Variants in BRWD3 observed in about 807,000 individuals in gnomAD.
The protein encoded by BRWD3 is bromodomain and WD repeat domain containing 3, also known as bromodomain and WD repeat-containing protein 3.
BRWD3 carries 10 observed loss-of-function variants against 149.7 expected under a neutral mutation model. That is an observed-to-expected ratio of 0.07 (90% CI 0.04 to 0.11). BRWD3 has a LOEUF of 0.11. Among genes scored for constraint, BRWD3 ranks in the 10% least tolerant of loss-of-function variants. The pLI, the probability that BRWD3 is intolerant of heterozygous loss-of-function variation, is 1.00. For synonymous variants in BRWD3, 504 were observed against 456.7 expected (o/e 1.10, Z -1.32); for missense variants, 940 against 1,373.2 (o/e 0.68, Z 4.99).
At chrX:80,714,353 TCCCGAGTAG>T (rs1243529169) in intron 20 of BRWD3, among the ~76,000 whole-genome samples, 1 of 105,898 alleles carries the variant, frequency 9.4e-6, no homozygotes, top group Non-Finnish European at 1.9e-5. Context: ...TGCCTCAGCC[TCCCGAGTAG>T]CTGGGATTAC....
intron 6 of BRWD3, among the ~76,000 whole-genome samples, chrX:80,755,912 G>A (rs2073731137): frequency 9.0e-6 from 1 of 111,622 alleles, no homozygotes; most frequent in African/African-American, 3.3e-5. Flanking sequence ...GTATGGATAA[G>A]GACCATAAAG....
At chrX:80,718,575 A>G (rs1458368597) in intron 18 of BRWD3, among the ~76,000 whole-genome samples, 1 of 111,984 alleles carries the variant, frequency 8.9e-6, no homozygotes, top group Non-Finnish European at 1.9e-5. Flanking sequence ...CCCACTTGTC[A>G]TCTTGTTCTA....
At chrX:80,694,176 G>T (rs1454834754) in intron 27 of BRWD3, among the ~76,000 whole-genome samples, 1 of 112,112 alleles carries the variant, frequency 8.9e-6, no homozygotes, top group African/African-American at 3.2e-5. Flanking sequence ...GTTTCAAAGG[G>T]TGTAAGCCCC....
intron 4 of BRWD3, among the ~76,000 whole-genome samples, chrX:80,795,226 G>C: frequency 9.1e-6 from 1 of 110,392 alleles, no homozygotes; most frequent in East Asian, 2.9e-4. Flanking sequence ...ACAATAAAAA[G>C]AAAAACCAGA....
Position 80,696,815 on chromosome X carries a change from G to A in BRWD3, c.2992C>T (p.Pro998Ser), listed in dbSNP as rs2072706318. The A allele has an allele frequency of 8.3e-7, 1 of 1,205,949 alleles. No individual in the cohort carries two copies. The highest frequency in any genetic ancestry group is 1.1e-6 in the Non-Finnish European group (1 of 892,035). ...GCAAGCTTCAAGCAGCACAGTGTGG[G>A]TGGGCCAACCTCATATTTGATTCCT... ...IVGIKYEVGP[P>S]TLCCLKLAFL... is the part of the protein sequence containing the mutation. Residue 998 changes from proline to serine, a missense_variant, in exon 26 of 41, where the codon CCC becomes TCC. Transcript: ENST00000373275.
chrX:80,697,396 T>C (rs1299253883), intron 25 of BRWD3, among the ~76,000 whole-genome samples: 1 of 110,972 alleles, frequency 9.0e-6, no homozygotes, highest in African/African-American at 3.3e-5. Flanking sequence ...ATGGTGGGGT[T>C]TGAGTTTCTA....
intron 20 of BRWD3, among the ~76,000 whole-genome samples, chrX:80,711,228 A>C (rs1343192431): frequency 1.8e-5 from 2 of 111,797 alleles, no homozygotes; most frequent in Non-Finnish European, 3.8e-5. Flanking sequence ...CTAGATTAAC[A>C]TTGAGGGCTA....
chrX:80,694,263 C>T (rs2147697458), intron 27 of BRWD3, among the ~76,000 whole-genome samples: 1 of 111,818 alleles, frequency 8.9e-6, no homozygotes, highest in African/African-American at 3.2e-5. Context: ...GAACCTCTAC[C>T]TAGATTGCAG....
chrX:80,777,072 C>CA (rs565895344), intron 6 of BRWD3, among the ~76,000 whole-genome samples: 1,730 of 96,928 alleles, frequency 0.018, 30 homozygotes, highest in East Asian at 0.052. Flanking sequence ...TATGCTTAAA[C>CA]AAAAAAAAAA....
At chrX:80,733,823 A>C (rs2073368276) in intron 11 of BRWD3, among the ~76,000 whole-genome samples, 1 of 111,638 alleles carries the variant, frequency 9.0e-6, no homozygotes, top group Non-Finnish European at 1.9e-5. Flanking sequence ...AGTTGCATTA[A>C]ATTTTACACA....
Position 80,724,502 on chromosome X carries a change from T to C in BRWD3, c.1521+431A>G, listed in dbSNP as rs189801434. ...TTTTCCATGGCTTGTATGAGACATA[T>C]CTTAAAGAACATCCGTATCTCCAAG... is the stretch of plus-strand genomic sequence containing the variant. On this transcript the variant is annotated intron_variant, in intron 15 of 40. Coordinates refer to ENST00000373275, the MANE Select transcript of BRWD3 (RefSeq NM_153252.5). 2.3e-3 allele frequency among the ~76,000 whole-genome samples: 258 copies of C among 111,771 alleles called. 2 individuals are homozygous for C. Among genetic ancestry groups the C allele is most frequent in the African/African-American group, 8.2e-3 (253 of 30,840 alleles).
At chrX:80,688,028 C>T (rs1392097025) in intron 34 of BRWD3, 41 bp downstream of exon 34, 1 of 1,086,779 alleles carries the variant, frequency 9.2e-7, no homozygotes, top group South Asian at 1.8e-5. Flanking sequence ...ACACAGGAAA[C>T]CTGAAAACAT....
chrX:80,765,594 T>C (rs779003229), intron 6 of BRWD3, among the ~76,000 whole-genome samples: 1 of 112,108 alleles, frequency 8.9e-6, no homozygotes, highest in Non-Finnish European at 1.9e-5. Context: ...TATGAAATAT[T>C]ATTCCTCCTT....
chrX:80,807,122 T>A (rs1056778104), intron 4 of BRWD3, among the ~76,000 whole-genome samples: 1 of 112,202 alleles, frequency 8.9e-6, no homozygotes, highest in Non-Finnish European at 1.9e-5. Flanking sequence ...TAGTAGGCAC[T>A]GTTGTTTTTG....
At chrX:80,792,752 A>G (rs925924166) in intron 5 of BRWD3, among the ~76,000 whole-genome samples, 7 of 111,547 alleles carry the variant, frequency 6.3e-5, no homozygotes, top group Non-Finnish European at 1.3e-4. Flanking sequence ...TTTAATGCCT[A>G]ATTTTACATT....
intron 6 of BRWD3, among the ~76,000 whole-genome samples, chrX:80,770,436 G>A (rs2073928020): frequency 9.0e-6 from 1 of 111,654 alleles, no homozygotes; most frequent in Non-Finnish European, 1.9e-5. Context: ...AGGACGCAAG[G>A]CTGGTTCAGC....
chrX:80,785,830 C>A (rs1011171737), intron 6 of BRWD3, among the ~76,000 whole-genome samples: 2 of 112,066 alleles, frequency 1.8e-5, no homozygotes, highest in Admixed American at 1.9e-4. Context: ...GAGTTTGAGA[C>A]CAGCCTAGCC....
chrX:80,772,288 A>C (rs2073952877), intron 6 of BRWD3, among the ~76,000 whole-genome samples: 1 of 111,955 alleles, frequency 8.9e-6, no homozygotes, highest in African/African-American at 3.2e-5. Flanking sequence ...CTATGCAGCC[A>C]TAAAAAAGTA....
intron 8 of BRWD3, among the ~76,000 whole-genome samples, chrX:80,740,026 T>A (rs897400713): frequency 2.7e-5 from 3 of 112,029 alleles, no homozygotes; most frequent in African/African-American, 9.7e-5. Context: ...GATATGATAG[T>A]GAGATCACAA....
Sources: gnomAD v4.1 joint callset for allele counts (sites outside exome capture counted in the v4.1 genomes callset) on GRCh38, gnomAD v4.1.1 for gene constraint, MANE v1.5 for transcripts, NCBI Gene and HGNC (gene_info 2026-07-23, HGNC 2026-07-21) for gene names.